The following KRTAP10-1 variants were observed in gnomAD, a reference collection of about 807,000 sequenced individuals.
KRTAP10-1 encodes keratin-associated protein 10-1.
For synonymous variants in KRTAP10-1, 155 were observed against 153.3 expected, an observed-to-expected ratio of 1.01 and a Z score of -0.08; for missense variants, 364 against 369.2, an observed-to-expected ratio of 0.99 and a Z score of 0.12.
In KRTAP10-1 at chr21:44,539,118, A is replaced by G. The variant is rs2145999977; in HGVS notation, c.*184T>C. ...GGCAGGTGGGCACCTGCTGGAAGGC[A>G]AGAGCTGGGGAGCTGCAAGGATGGA... is the stretch of plus-strand genomic sequence containing the variant. On this transcript the variant is annotated 3_prime_UTR_variant, in exon 1 of 1. Coordinates refer to ENST00000400375, the MANE Select transcript of KRTAP10-1 (RefSeq NM_198691.3). 9.2e-7 allele frequency: 1 copy of G among 1,084,632 alleles called. No individual in the cohort carries two copies. The highest frequency in any genetic ancestry group is 1.7e-5 in the South Asian group (1 of 58,876). The allele number at this position is 1,084,632 out of a possible 1,614,324, so 67.2% of individuals were successfully genotyped here.
Position 44,539,315 on chromosome 21 carries a change from C to G in KRTAP10-1, c.836G>C (p.Arg279Pro), listed in dbSNP as rs781801818. The G allele has an allele frequency of 3.7e-6, 6 of 1,610,560 alleles. No individual in the cohort carries two copies. In the South Asian group the frequency reaches 5.5e-5, roughly 15 times the overall value. The stretch of plus-strand genomic sequence containing the variant: ...TGAGCAGAGGCCTCAGCAGGCCGGG[C>G]GGGAGCACGCGGGGCGGCAGAGGAG... ...VSLLCRPACS[R>P]PAC The change falls in exon 1 of 1, where the codon CGC becomes CCC. Residue 279 changes from arginine to proline, a missense_variant. By Grantham distance (103) the Arg-to-Pro change is moderately radical. Coordinates refer to ENST00000400375, the MANE Select transcript of KRTAP10-1 (RefSeq NM_198691.3).
At position 44,539,220 on chromosome 21, in the gene KRTAP10-1, C is replaced by A; in HGVS notation, c.*82G>T. ...GACCCGTCCTAGGTGGGGGAAGCCA[C>A]CTAACCCAGGTCAGGAACTGAGCCC... On this transcript the variant is annotated 3_prime_UTR_variant, in exon 1 of 1. Transcript: ENST00000400375. The A allele has an allele frequency of 6.4e-7, 1 of 1,553,974 alleles. No homozygotes were observed. The highest frequency in any genetic ancestry group is 8.7e-7 in the Non-Finnish European group (1 of 1,155,656).
At position 44,539,865 on chromosome 21, in the gene KRTAP10-1, G is replaced by C. The variant is rs1555916965; in HGVS notation, c.286C>G (p.Gln96Glu). The C allele has an allele frequency of 1.3e-6, 2 of 1,577,998 alleles. No individual in the cohort carries two copies. The highest frequency in any genetic ancestry group is 2.3e-5 in the South Asian group (2 of 87,304). The change falls in exon 1 of 1, where the codon CAG (glutamine) becomes GAG (glutamate). Residue 96 changes from glutamine (Q) to glutamate (E), a missense_variant. By Grantham distance (29) the Gln-to-Glu change is conservative. Coordinates refer to ENST00000400375, the MANE Select transcript of KRTAP10-1 (RefSeq NM_198691.3). ...QPACCTSSPC[Q>E]QACCVPVCCK... ...CAGACGGGCACGCAGCAGGCCTGCTGGCAGGGGGAGGAGGTGCAGCAAGCC... is the reference window on the plus strand; with the variant it reads ...CAGACGGGCACGCAGCAGGCCTGCTCGCAGGGGGAGGAGGTGCAGCAAGCC...
In KRTAP10-1 at chr21:44,539,419, G is replaced by C; in HGVS notation, c.732C>G (p.Cys244Trp). 1 of 1,602,864 alleles carries C rather than the reference G, an allele frequency of 6.2e-7. No individual in the cohort carries two copies. The highest frequency in any genetic ancestry group is 1.1e-5 in the South Asian group (1 of 90,812). The stretch of plus-strand genomic sequence containing the variant: ...CACAGCAGGAGGAGACAGGCATACA[G>C]CAGGCGGGCCGGCATACAGGGCGGC... ...LLCRPVCRPACCMPVSSCCAP... is the reference protein window; with the variant it reads ...LLCRPVCRPAWCMPVSSCCAP... Residue 244 changes from cysteine to tryptophan, a missense_variant, in exon 1 of 1, where the codon TGC becomes TGG. Coordinates refer to ENST00000400375, the MANE Select transcript of KRTAP10-1 (RefSeq NM_198691.3).
rs781796608 is a variant in KRTAP10-1 at position 44,539,262 on chromosome 21, G to A, written c.*40C>T. Reference sequence around the variant, plus strand: ...ACTGAGCCCAGCTGGCCCAGGGCGGGTGCCCATCAGCAGCTGGACTCCTGG... The same window carrying A: ...ACTGAGCCCAGCTGGCCCAGGGCGGATGCCCATCAGCAGCTGGACTCCTGG... On this transcript the variant is annotated 3_prime_UTR_variant, in exon 1 of 1. Transcript: ENST00000400375. The A allele has an allele frequency of 1.3e-6, 2 of 1,593,668 alleles. No individual in the cohort carries two copies. Among genetic ancestry groups the A allele is most frequent in the Non-Finnish European group, 1.7e-6 (2 of 1,171,746 alleles).
In KRTAP10-1 at chr21:44,539,266, C is replaced by A. The variant is rs782786708; in HGVS notation, c.*36G>T. On this transcript the variant is annotated 3_prime_UTR_variant, in exon 1 of 1. Transcript: ENST00000400375. ...AGCCCAGCTGGCCCAGGGCGGGTGCCCATCAGCAGCTGGACTCCTGGCCTG... is the reference window on the plus strand; with the variant it reads ...AGCCCAGCTGGCCCAGGGCGGGTGCACATCAGCAGCTGGACTCCTGGCCTG... 6.3e-6 allele frequency: 10 copies of A among 1,596,370 alleles called. No individual in the cohort carries two copies. The South Asian group carries it at 9.1e-5, about 14-fold the overall frequency.
In KRTAP10-1 at chr21:44,540,019, G is replaced by C; in HGVS notation, c.132C>G (p.Thr44=). 1 of 1,613,078 alleles carries C rather than the reference G, an allele frequency of 6.2e-7. No individual in the cohort carries two copies. Among genetic ancestry groups the C allele is most frequent in the African/African-American group, 1.3e-5 (1 of 75,004 alleles). The part of the protein sequence containing the change: ...LSCCAPAPCL[T]LVCTPVSRVS... ...CACGGCTCACTGGGGTGCAGACCAGGGTCAGGCAGGGGGCCGGGGCGCAGC... is the reference window on the plus strand; with the variant it reads ...CACGGCTCACTGGGGTGCAGACCAGCGTCAGGCAGGGGGCCGGGGCGCAGC... The change falls in exon 1 of 1, where the codon ACC becomes ACG. Residue 44 remains threonine, a synonymous_variant. Transcript: ENST00000400375.
rs782521385 is a variant in KRTAP10-1 at position 44,539,439 on chromosome 21, G to A, written c.712C>T (p.Pro238Ser). ...PSSSVSLLCRPVCRPACCMPV... is the reference protein window; with the variant it reads ...PSSSVSLLCRSVCRPACCMPV... ...ATACAGCAGGCGGGCCGGCATACAG[G>A]GCGGCAGAGGAGGGACACGGAGGAG... is the stretch of plus-strand genomic sequence containing the variant. The change falls in exon 1 of 1, where the codon CCT (proline) becomes TCT (serine). Residue 238 changes from proline (P) to serine (S), a missense_variant. Transcript: ENST00000400375. 5.6e-6 allele frequency: 9 copies of A among 1,612,966 alleles called. No homozygotes were observed. Among genetic ancestry groups the A allele is most frequent in the Non-Finnish European group, 7.6e-6 (9 of 1,179,602 alleles).
chr21:44,539,351 G>C lies in KRTAP10-1; in HGVS notation c.800C>G (p.Ser267Cys), dbSNP rs1555916785. 6.2e-7 allele frequency: 1 copy of C among 1,612,696 alleles called. No individual in the cohort carries two copies. Among genetic ancestry groups the C allele is most frequent in the Non-Finnish European group, 8.5e-7 (1 of 1,179,386 alleles). ...SCQASCCRPA[S>C]CVSLLCRPAC... is the part of the protein sequence containing the mutation. ...GGGGCGGCAGAGGAGGGACACGCAG[G>C]AGGCCGGGCGGCAGCAGCTGGCCTG... Residue 267 changes from serine (S) to cysteine (C), a missense_variant, in exon 1 of 1, where the codon TCC becomes TGC. Coordinates refer to ENST00000400375, the MANE Select transcript of KRTAP10-1 (RefSeq NM_198691.3).
chr21:44,539,888 G>A lies in KRTAP10-1; in HGVS notation c.263C>T (p.Ala88Val), dbSNP rs1229909011. Reference protein sequence around the residue: ...SCCQQSSCQPACCTSSPCQQA... With the variant: ...SCCQQSSCQPVCCTSSPCQQA... ...CTGGCAGGGGGAGGAGGTGCAGCAAGCCGGCTGGCAGCTAGACTGCTGGCA... is the reference window on the plus strand; with the variant it reads ...CTGGCAGGGGGAGGAGGTGCAGCAAACCGGCTGGCAGCTAGACTGCTGGCA... The change falls in exon 1 of 1, where the codon GCT becomes GTT. Residue 88 changes from alanine (A) to valine (V), a missense_variant. By Grantham distance (64) the Ala-to-Val change is moderately conservative. Transcript: ENST00000400375. 12 of 1,613,046 alleles carry A rather than the reference G, an allele frequency of 7.4e-6. 1 individual carries two copies. The highest frequency in any genetic ancestry group is 3.3e-5 in the South Asian group (3 of 90,966).
At position 44,539,347 on chromosome 21, in the gene KRTAP10-1, G is replaced by C. The variant is rs782052279; in HGVS notation, c.804C>G (p.Cys268Trp). 1.9e-6 allele frequency: 3 copies of C among 1,612,152 alleles called. No individual in the cohort carries two copies. In the Admixed American group the frequency reaches 5.0e-5, roughly 27 times the overall value. The stretch of plus-strand genomic sequence containing the variant: ...ACGCGGGGCGGCAGAGGAGGGACAC[G>C]CAGGAGGCCGGGCGGCAGCAGCTGG... The part of the protein sequence containing the change: ...CQASCCRPAS[C>W]VSLLCRPACS... Residue 268 changes from cysteine (C) to tryptophan (W), a missense_variant, in exon 1 of 1, where the codon TGC (cysteine) becomes TGG (tryptophan). Coordinates refer to ENST00000400375, the MANE Select transcript of KRTAP10-1 (RefSeq NM_198691.3).
chr21:44,539,686 G>A lies in KRTAP10-1; in HGVS notation c.465C>T (p.Thr155=), dbSNP rs782022267. The A allele has an allele frequency of 6.3e-7, 1 of 1,595,346 alleles. No homozygotes were observed. The highest frequency in any genetic ancestry group is 1.1e-5 in the South Asian group (1 of 88,534). Residue 155 remains threonine, a synonymous_variant, in exon 1 of 1, where the codon ACC becomes ACT. Transcript: ENST00000400375. ...AGCATGAAGAGGAATCCTCAGAGCA[G>A]GTGGGCACATAGCACACAGGCTTGC... ...VCCKPVCYVP[T]CSEDSSSCCQ...
rs1258170802 is a variant in KRTAP10-1, at chr21:44,539,530, G to A, written c.621C>T (p.Ser207=). The change falls in exon 1 of 1, where the codon TCC becomes TCT. Residue 207 remains serine, a synonymous_variant. Transcript: ENST00000400375. ...ICCVPVCSGA[S]TSCCQQSSCQ... ...AGCTAGACTGCTGGCAGCATGAAGT[G>A]GAAGCCCCAGAGCAGACGGGCACAC... 11 of 1,613,040 alleles carry A rather than the reference G, an allele frequency of 6.8e-6. No individual in the cohort carries two copies. Among genetic ancestry groups the A allele is most frequent in the African/African-American group, 2.7e-5 (2 of 74,650 alleles).
rs1907753626 is a variant in KRTAP10-1, at chr21:44,539,578, AGGCTTGCAACGGACG to A, written c.558_572del (p.Arg188_Val192del). ...CACAGCAGATGGGCTTGCAGCAGAC[AGGCTTGCAACGGACG>A]GGCACGCAGCAGGCCTGCTGGCAGG... On this transcript the variant is annotated inframe_deletion, in exon 1 of 1. Coordinates refer to ENST00000400375, the MANE Select transcript of KRTAP10-1 (RefSeq NM_198691.3). 2 of 1,613,292 alleles carry A rather than the reference AGGCTTGCAACGGACG, an allele frequency of 1.2e-6. No homozygotes were observed. The highest frequency in any genetic ancestry group is 1.7e-6 in the Non-Finnish European group (2 of 1,179,836).
At position 44,539,581 on chromosome 21, in the gene KRTAP10-1, C is replaced by G; in HGVS notation, c.570G>C (p.Lys190Asn). Residue 190 changes from lysine to asparagine, a missense_variant, in exon 1 of 1, where the codon AAG (lysine) becomes AAC (asparagine). Physicochemically the swap from Lys to Asn is moderately conservative, Grantham distance 94. Transcript: ENST00000400375. ...QQACCVPVRC[K>N]PVCCKPICCV... ...AGCAGATGGGCTTGCAGCAGACAGG[C>G]TTGCAACGGACGGGCACGCAGCAGG... 1 of 1,613,498 alleles carries G rather than the reference C, an allele frequency of 6.2e-7. No individual in the cohort carries two copies. Among genetic ancestry groups the G allele is most frequent in the South Asian group, 1.1e-5 (1 of 91,010 alleles).
chr21:44,539,470 T>C lies in KRTAP10-1; in HGVS notation c.681A>G (p.Arg227=). 1 of 1,612,852 alleles carries C rather than the reference T, an allele frequency of 6.2e-7. No individual in the cohort carries two copies. The highest frequency in any genetic ancestry group is 8.5e-7 in the Non-Finnish European group (1 of 1,179,500). Residue 227 remains arginine, a synonymous_variant, in exon 1 of 1, where the codon AGA becomes AGG. Coordinates refer to ENST00000400375, the MANE Select transcript of KRTAP10-1 (RefSeq NM_198691.3). ...AGAGGAGGGACACGGAGGAGGAGGG[T>C]CTGCAGCAGGAGGTGGTGCAGCAAG... The part of the protein sequence containing the change: ...QPACCTTSCC[R]PSSSVSLLCR...
rs1555916743 is a variant in KRTAP10-1 at position 44,539,133 on chromosome 21, GCA to G, written c.*167_*168del. On this transcript the variant is annotated 3_prime_UTR_variant, in exon 1 of 1. Transcript: ENST00000400375. ...GCTGGAAGGCAAGAGCTGGGGAGCT[GCA>G]AGGATGGAGGCTCCTGGGAGCAAGG... is the stretch of plus-strand genomic sequence containing the variant. 7.0e-5 allele frequency: 85 copies of G among 1,213,060 alleles called. No homozygotes were observed. Among genetic ancestry groups the G allele is most frequent in the East Asian group, 4.6e-4 (18 of 38,996 alleles). 75.1% of individuals were successfully genotyped at this position (1,213,060 alleles called of 1,614,324 possible).
Position 44,539,099 on chromosome 21 carries a change from T to C in KRTAP10-1, c.*203A>G. ...GAGGACAGGGGACCTAGCAGGCAGG[T>C]GGGCACCTGCTGGAAGGCAAGAGCT... On this transcript the variant is annotated 3_prime_UTR_variant, in exon 1 of 1. Coordinates refer to ENST00000400375, the MANE Select transcript of KRTAP10-1 (RefSeq NM_198691.3). The C allele has an allele frequency of 1.1e-6, 1 of 880,784 alleles. No individual in the cohort carries two copies. Among genetic ancestry groups the C allele is most frequent in the Non-Finnish European group, 1.7e-6 (1 of 595,024 alleles). The allele number at this position is 880,784 out of a possible 1,614,324, so 54.6% of individuals were successfully genotyped here. A position where few individuals can be genotyped will look rare whatever the true frequency, so the allele number is the denominator to read the frequency against.
chr21:44,539,003 T>G lies in KRTAP10-1; in HGVS notation c.*299A>C. ...GAATCAGGTGACCAAGGAGAGTTTA[T>G]TGGGGAGCAGGAGGAGGTGCTGAGA... On this transcript the variant is annotated 3_prime_UTR_variant, in exon 1 of 1. Coordinates refer to ENST00000400375, the MANE Select transcript of KRTAP10-1 (RefSeq NM_198691.3). The G allele has an allele frequency of 1.8e-6, 1 of 552,424 alleles. No individual in the cohort carries two copies. The highest frequency in any genetic ancestry group is 3.2e-6 in the Non-Finnish European group (1 of 310,574). 34.2% of individuals were successfully genotyped at this position (552,424 alleles called of 1,614,324 possible).
Sources: allele counts gnomAD v4.1 joint callset, GRCh38; gene constraint gnomAD v4.1.1; transcripts MANE v1.5; gene names NCBI Gene and HGNC (gene_info 2026-07-23, HGNC 2026-07-21).